The following ZNF365 variants were observed in gnomAD, a reference collection of about 807,000 sequenced individuals.
ZNF365 encodes the protein protein ZNF365.
ZNF365 carries 22 observed loss-of-function variants against 35.0 expected under a neutral mutation model. That is an observed-to-expected ratio of 0.63 (90% CI 0.45 to 0.90). The LOEUF is 0.90. Among genes scored for constraint, ZNF365 ranks in the 40% least tolerant of loss-of-function variants. The probability of loss-of-function intolerance (pLI) is 0.00; values close to 1 mark genes in which losing one functional copy is unlikely to be tolerated. For synonymous variants in ZNF365, 188 were observed against 196.2 expected (o/e 0.96, Z 0.35); for missense variants, 448 against 500.3 (o/e 0.90, Z 1.00).
chr10:62,414,262 C>T (rs1483699829), intron 3 of ZNF365, among the ~76,000 whole-genome samples: 1 of 151,812 alleles, frequency 6.6e-6, no homozygotes, highest in Non-Finnish European at 1.5e-5. Flanking sequence ...TGCAATGGTG[C>T]AATCAGAGCT....
intron 3 of ZNF365, among the ~76,000 whole-genome samples, chr10:62,389,635 A>G (rs1564570297): frequency 6.6e-6 from 1 of 152,214 alleles, no homozygotes; most frequent in Non-Finnish European, 1.5e-5. Context: ...AGATGAAGGA[A>G]TGAAATGAAA....
At chr10:62,387,123 AC>A (rs1197200560) in intron 2 of ZNF365, among the ~76,000 whole-genome samples, 2 of 152,230 alleles carry the variant, frequency 1.3e-5, no homozygotes, top group African/African-American at 4.8e-5. Flanking sequence ...AAGGGTGATG[AC>A]TAAAAGGATA....
At chr10:62,434,413 C>A (rs1048769526) in intron 3 of ZNF365, among the ~76,000 whole-genome samples, 3 of 152,094 alleles carry the variant, frequency 2.0e-5, no homozygotes, top group African/African-American at 7.2e-5. Context: ...GTATACTTAA[C>A]CTCAGGTGCT....
Position 62,400,647 on chromosome 10 carries a change from T to C in ZNF365, c.*858T>C. The stretch of plus-strand genomic sequence containing the variant: ...AGTGGACTGCACGCTTGGTGCATCG[T>C]GCATCGTGACCATCCTGGAAGCACT... On this transcript the variant is annotated 3_prime_UTR_variant, in exon 5 of 5. Transcript: ENST00000395254. The C allele has an allele frequency of 4.1e-6, 4 of 985,760 alleles. No homozygotes were observed. Among genetic ancestry groups the C allele is most frequent in the Non-Finnish European group, 4.8e-6 (4 of 829,994 alleles). The allele number at this position is 985,760 out of a possible 1,614,324, so 61.1% of individuals were successfully genotyped here. A position where few individuals can be genotyped will look rare whatever the true frequency, so the allele number is the denominator to read the frequency against.
At chr10:62,389,664 G>A (rs919800288) in intron 3 of ZNF365, among the ~76,000 whole-genome samples, 1 of 152,124 alleles carries the variant, frequency 6.6e-6, no homozygotes, top group Non-Finnish European at 1.5e-5. Flanking sequence ...GATAAAAGAA[G>A]GAACAGCAGA....
intron 3 of ZNF365, among the ~76,000 whole-genome samples, chr10:62,411,921 C>CATAATTAA (rs1356325248): frequency 1.3e-5 from 2 of 151,936 alleles, no homozygotes; most frequent in African/African-American, 4.8e-5. Flanking sequence ...AACCTAACAC[C>CATAATTAA]ATAATTAAAA....
At chr10:62,474,240 A>C (rs10761636) in intron 4 of ZNF365, among the ~76,000 whole-genome samples, 58,564 of 152,052 alleles carry the variant, frequency 0.39, 11,418 homozygotes, top group African/African-American at 0.42. Context: ...AGATATGGCC[A>C]TCCAGAGCAG....
intron 4 of ZNF365, among the ~76,000 whole-genome samples, chr10:62,473,306 C>G (rs1296348628): frequency 6.6e-6 from 1 of 152,116 alleles, no homozygotes; most frequent in African/African-American, 2.4e-5. Flanking sequence ...AGTAAGGAAC[C>G]TGGGCAAAGT....
Position 62,402,009 on chromosome 10 carries a change from A to G in ZNF365, c.*2220A>G. The G allele has an allele frequency of 2.0e-6, 2 of 985,656 alleles. No homozygotes were observed. Among genetic ancestry groups the G allele is most frequent in the Non-Finnish European group, 2.4e-6 (2 of 829,916 alleles). The allele number at this position is 985,656 out of a possible 1,614,324, so 61.1% of individuals were successfully genotyped here. A position where few individuals can be genotyped will look rare whatever the true frequency, so the allele number is the denominator to read the frequency against. ...CCTTAGAGACATAAATTTAGTGTCA[A>G]AACATGGGAGATGGCTTACTCAGAA... On this transcript the variant is annotated 3_prime_UTR_variant, in exon 5 of 5. Transcript: ENST00000395254.
intron 4 of ZNF365, among the ~76,000 whole-genome samples, chr10:62,464,047 T>TA (rs1840891523): frequency 2.0e-5 from 3 of 152,150 alleles, no homozygotes; most frequent in Non-Finnish European, 4.4e-5. Flanking sequence ...ATAGGCCTAA[T>TA]ATTGAGCCTC....
intron 3 of ZNF365, among the ~76,000 whole-genome samples, chr10:62,432,261 A>T (rs1273231480): frequency 6.6e-6 from 1 of 152,064 alleles, no homozygotes; most frequent in Non-Finnish European, 1.5e-5. Flanking sequence ...ATATTTTAGG[A>T]GAGCAGTTTT....
chr10:62,477,879 GGGTGGTGTTTATAATCTTACAACA>G (rs1160534786), intron 4 of ZNF365, among the ~76,000 whole-genome samples: 1 of 152,128 alleles, frequency 6.6e-6, no homozygotes, highest in Non-Finnish European at 1.5e-5. Flanking sequence ...ATTCAATGTG[GGGTGGTGTTTATAATCTTACAACA>G]GGTGGCACCA....
chr10:62,430,304 C>CTGAGTA (rs1840315046), intron 3 of ZNF365, among the ~76,000 whole-genome samples: 1 of 137,936 alleles, frequency 7.2e-6, no homozygotes, highest in Non-Finnish European at 1.5e-5. Flanking sequence ...CCTCAGCCTC[C>CTGAGTA]TGAGTAGCTG....
chr10:62,457,190 C>A (rs966356175), intron 3 of ZNF365, among the ~76,000 whole-genome samples: 2 of 152,134 alleles, frequency 1.3e-5, no homozygotes, highest in Non-Finnish European at 2.9e-5. Context: ...AACATGTGTA[C>A]CCTATGCTGT....
At position 62,468,890 on chromosome 10, in the gene ZNF365, G is replaced by A. The variant is rs540888664; in HGVS notation, c.981+9093G>A. 3.9e-5 allele frequency among the ~76,000 whole-genome samples: 6 copies of A among 152,354 alleles called. No homozygotes were observed. In the East Asian group the frequency reaches 1.2e-3, roughly 29 times the overall value. ...CAAAACCACTGTGCCCAGATCAACTGTAGAAAGGGCACACCTTTCAATGGG... is the reference window on the plus strand; with the variant it reads ...CAAAACCACTGTGCCCAGATCAACTATAGAAAGGGCACACCTTTCAATGGG... On this transcript the variant is annotated intron_variant, in intron 4 of 4. Coordinates refer to the ZNF365 transcript ENST00000395255.
chr10:62,426,543 G>T (rs1840252153), intron 3 of ZNF365, among the ~76,000 whole-genome samples: 1 of 152,064 alleles, frequency 6.6e-6, no homozygotes, highest in Admixed American at 6.6e-5. Flanking sequence ...TATGCTCACA[G>T]GCCCTAAAAA....
intron 3 of ZNF365, among the ~76,000 whole-genome samples, chr10:62,395,698 A>G (rs561266270): frequency 6.6e-6 from 1 of 151,974 alleles, no homozygotes; most frequent in African/African-American, 2.4e-5. Context: ...AAACATTTTG[A>G]GTGCTCCAGG....
chr10:62,378,282 T>C (rs1310945647), intron 2 of ZNF365, among the ~76,000 whole-genome samples: 2 of 152,244 alleles, frequency 1.3e-5, no homozygotes, highest in Non-Finnish European at 2.9e-5. Context: ...AGGCCTAGAA[T>C]TAAATTTGAA....
chr10:62,388,430 G>A lies in ZNF365; in HGVS notation c.778G>A (p.Ala260Thr). 1 of 1,614,228 alleles carries A rather than the reference G, an allele frequency of 6.2e-7. No homozygotes were observed. The highest frequency in any genetic ancestry group is 2.2e-5 in the East Asian group (1 of 44,886). ...VVTFNHFLEA[A>T]AEKEVQGKAR... ...CACATTCAACCATTTCCTGGAAGCGGCAGCTGAGAAGGAGGTTCAAGGGAA... is the reference window on the plus strand; with the variant it reads ...CACATTCAACCATTTCCTGGAAGCGACAGCTGAGAAGGAGGTTCAAGGGAA... Residue 260 changes from alanine (A) to threonine (T), a missense_variant, in exon 3 of 5, where the codon GCA (alanine) becomes ACA (threonine). Around this residue, in one of 3 missense-constraint regions of ZNF365, gnomAD observed 362 missense variants for 375.7 expected, o/e 0.96. Transcript: ENST00000395254.
Sources: gnomAD v4.1 joint callset for allele counts (sites outside exome capture counted in the v4.1 genomes callset) on GRCh38, gnomAD v4.1.1 for gene constraint, gnomAD v4.1.1 regional missense constraint, MANE v1.5 for transcripts, NCBI Gene and HGNC (gene_info 2026-07-23, HGNC 2026-07-21) for gene names.